Variants in RGL1 observed in about 807,000 individuals in gnomAD.
The protein encoded by RGL1 is ral guanine nucleotide dissociation stimulator-like 1.
RGL1 carries 24 observed loss-of-function variants against 95.2 expected under a neutral mutation model. The ratio of observed to expected loss-of-function variants is 0.25; its 90% CI spans 0.18 to 0.35. The LOEUF (loss-of-function observed/expected upper bound fraction) is 0.35. Among genes scored for constraint, RGL1 ranks in the 10% least tolerant of loss-of-function variants. RGL1 has a pLI of 1.00. For missense variants in RGL1, 715 were observed against 936.3 expected (o/e 0.76, Z 3.08); for synonymous variants, 329 against 344.9 (o/e 0.95, Z 0.51).
At chr1:183,910,134 T>C (rs1210316192) in intron 14 of RGL1, among the ~76,000 whole-genome samples, 1 of 152,070 alleles carries the variant, frequency 6.6e-6, no homozygotes, top group East Asian at 1.9e-4. Context: ...TTCAAAAGAG[T>C]TTTGCTCTGT....
chr1:183,704,342 A>C, intron 1 of RGL1, among the ~76,000 whole-genome samples: 1 of 152,184 alleles, frequency 6.6e-6, no homozygotes, highest in East Asian at 1.9e-4. Context: ...TGTGGAATGC[A>C]TAATGAGAAT....
At chr1:183,899,735 T>G (rs531645864) in intron 10 of RGL1, among the ~76,000 whole-genome samples, 1 of 152,202 alleles carries the variant, frequency 6.6e-6, no homozygotes, top group Non-Finnish European at 1.5e-5. Context: ...ATATTAATAG[T>G]GATGCCCCAT....
At chr1:183,876,338 C>T (rs926157838) in intron 4 of RGL1, among the ~76,000 whole-genome samples, 5 of 152,196 alleles carry the variant, frequency 3.3e-5, no homozygotes, top group Admixed American at 6.5e-5. Flanking sequence ...CGATTGCAGT[C>T]GGTTGGAAAA....
chr1:183,900,016 G>T, intron 10 of RGL1, 134 bp from the exon 11 acceptor site: 1 of 577,646 alleles, frequency 1.7e-6, no homozygotes, highest in Non-Finnish European at 3.1e-6. Context: ...TTTAAAAAAT[G>T]TTATTCATGG....
intron 1 of RGL1, among the ~76,000 whole-genome samples, chr1:183,637,384 C>G (rs541739410): frequency 8.6e-5 from 13 of 151,992 alleles, no homozygotes; most frequent in Non-Finnish European, 1.6e-4. Flanking sequence ...AGAAGGGACT[C>G]GATACATGCT....
chr1:183,805,292 CTG>C lies in RGL1; in HGVS notation c.-5_-4del. On this transcript the variant is annotated 5_prime_UTR_variant, in exon 1 of 18. Transcript: ENST00000360851. The stretch of plus-strand genomic sequence containing the variant: ...CAGCGTTCGCGCACCGGAGAGAAAA[CTG>C]AGAATGAAATTGCTTTGGCAAGCTA... The C allele has an allele frequency of 6.2e-7, 1 of 1,611,888 alleles. No homozygotes were observed. Among genetic ancestry groups the C allele is most frequent in the Non-Finnish European group, 8.5e-7 (1 of 1,179,562 alleles).
intron 2 of RGL1, among the ~76,000 whole-genome samples, chr1:183,832,472 G>A (rs1226477963): frequency 7.9e-5 from 12 of 152,296 alleles, no homozygotes; most frequent in South Asian, 2.1e-4. Flanking sequence ...TTTGTGTTAG[G>A]TGAAACTCTA....
At chr1:183,650,517 T>C (rs182478155) in intron 1 of RGL1, among the ~76,000 whole-genome samples, 52 of 152,302 alleles carry the variant, frequency 3.4e-4, no homozygotes, top group Non-Finnish European at 3.5e-4. Flanking sequence ...CACTCCAGCC[T>C]GGGTGACAGA....
At chr1:183,655,067 G>T (rs1403481970) in intron 1 of RGL1, among the ~76,000 whole-genome samples, 7 of 152,144 alleles carry the variant, frequency 4.6e-5, no homozygotes, top group Non-Finnish European at 5.9e-5. Flanking sequence ...GTCTTCCTTT[G>T]TTAATCTGCC....
upstream of RGL1, among the ~76,000 whole-genome samples, chr1:183,802,459 G>A (rs561343125): frequency 4.7e-4 from 71 of 152,006 alleles, no homozygotes; most frequent in Middle Eastern, 3.4e-3. Context: ...GGTTATTTTT[G>A]CTATTTCTGT....
chr1:183,783,655 C>T (rs1291211738), intron 2 of RGL1, among the ~76,000 whole-genome samples: 1 of 152,070 alleles, frequency 6.6e-6, no homozygotes. Flanking sequence ...GCTAAGTAAT[C>T]AGACATGGAT....
intron 4 of RGL1, among the ~76,000 whole-genome samples, chr1:183,867,221 T>A (rs1665892691): frequency 6.6e-6 from 1 of 152,168 alleles, no homozygotes; most frequent in South Asian, 2.1e-4. Context: ...TCCTGGGAAC[T>A]AAGGGCAGAT....
At chr1:183,888,947 G>A (rs1227559333) in intron 8 of RGL1, among the ~76,000 whole-genome samples, 1 of 152,142 alleles carries the variant, frequency 6.6e-6, no homozygotes, top group South Asian at 2.1e-4. Flanking sequence ...GACTCAAGGG[G>A]TAATGTGTGC....
chr1:183,788,900 C>T (rs1418054905), intron 2 of RGL1, among the ~76,000 whole-genome samples: 1 of 152,172 alleles, frequency 6.6e-6, no homozygotes, highest in Non-Finnish European at 1.5e-5. Flanking sequence ...GTCTTCTCTG[C>T]CTAGATTGCT....
chr1:183,818,872 G>GTAGTTTATTGTT (rs1662262224), intron 2 of RGL1, among the ~76,000 whole-genome samples: 1 of 152,052 alleles, frequency 6.6e-6, no homozygotes, highest in Non-Finnish European at 1.5e-5. Flanking sequence ...TCCAACTACT[G>GTAGTTTATTGTT]ATAACAATAA....
intron 3 of RGL1, among the ~76,000 whole-genome samples, chr1:183,865,709 AG>A (rs1665785590): frequency 6.6e-6 from 1 of 152,224 alleles, no homozygotes; most frequent in Non-Finnish European, 1.5e-5. Context: ...TCCTGCTGAT[AG>A]GAACACTCTA....
chr1:183,658,121 C>A (rs1000738744), intron 1 of RGL1, among the ~76,000 whole-genome samples: 1 of 152,208 alleles, frequency 6.6e-6, no homozygotes, highest in African/African-American at 2.4e-5. Context: ...CAGCTCCCAG[C>A]GTGAGCGACG....
intron 1 of RGL1, among the ~76,000 whole-genome samples, chr1:183,668,662 C>A (rs539427596): frequency 6.6e-6 from 1 of 151,734 alleles, no homozygotes; most frequent in Non-Finnish European, 1.5e-5. Flanking sequence ...TATGCCTAAG[C>A]ATAGTTTTTT....
At chr1:183,734,106 T>C (rs1656790472) in intron 1 of RGL1, among the ~76,000 whole-genome samples, 1 of 152,238 alleles carries the variant, frequency 6.6e-6, no homozygotes, top group African/African-American at 2.4e-5. Context: ...GAAGGGCTAG[T>C]CGATTCGGAA....
Sources: allele counts gnomAD v4.1 joint callset (sites outside exome capture counted in the v4.1 genomes callset), GRCh38; gene constraint gnomAD v4.1.1; transcripts MANE v1.5; gene names NCBI Gene and HGNC (gene_info 2026-07-23, HGNC 2026-07-21).